ZMAT4: variants seen among roughly 807,000 people sequenced by gnomAD.
ZMAT4 encodes zinc finger matrin-type 4, also known as zinc finger matrin-type protein 4.
In ZMAT4, 17 loss-of-function variants were observed where a neutral mutation model predicts 28.7. That is an observed-to-expected ratio of 0.59 (90% CI 0.41 to 0.89). The LOEUF is 0.89. Ranked by LOEUF, ZMAT4 falls within the 40% of genes least tolerant of loss-of-function variation. The probability of loss-of-function intolerance (pLI) is 0.00; values close to 1 mark genes in which losing one functional copy is unlikely to be tolerated. For synonymous variants in ZMAT4, 117 were observed against 109.2 expected (o/e 1.07, Z -0.44); for missense variants, 240 against 283.8 (o/e 0.85, Z 1.11).
intron 1 of ZMAT4, among the ~76,000 whole-genome samples, chr8:40,881,158 G>A (rs907724530): frequency 2.0e-5 from 3 of 152,080 alleles, no homozygotes; most frequent in South Asian, 2.1e-4. Context: ...TGGGAGGATC[G>A]TTTGAGGCCA....
chr8:40,718,113 T>G (rs1810931673), intron 3 of ZMAT4, among the ~76,000 whole-genome samples: 1 of 152,264 alleles, frequency 6.6e-6, no homozygotes, highest in Non-Finnish European at 1.5e-5. Context: ...TCTCTTTTAC[T>G]TCTTCCTGCC....
At chr8:40,605,326 A>ACTTTCCT (rs2118634808) in intron 5 of ZMAT4, among the ~76,000 whole-genome samples, 1 of 152,112 alleles carries the variant, frequency 6.6e-6, no homozygotes, top group Non-Finnish European at 1.5e-5. Flanking sequence ...AATGCTAGAA[A>ACTTTCCT]CTTTCCTCTT....
chr8:40,878,035 G>C (rs1403498527), intron 1 of ZMAT4, among the ~76,000 whole-genome samples: 1 of 152,196 alleles, frequency 6.6e-6, no homozygotes, highest in Admixed American at 6.5e-5. Context: ...GGCACCCAGA[G>C]TAATGAAAGA....
chr8:40,840,833 T>C (rs540539733), intron 1 of ZMAT4, among the ~76,000 whole-genome samples: 2 of 152,340 alleles, frequency 1.3e-5, no homozygotes, highest in African/African-American at 2.4e-5. Flanking sequence ...ACAGTTACTA[T>C]AGTACCATCT....
At chr8:40,653,040 A>T (rs1158019047) in intron 5 of ZMAT4, among the ~76,000 whole-genome samples, 1 of 152,006 alleles carries the variant, frequency 6.6e-6, no homozygotes. Flanking sequence ...ATATGTAACT[A>T]ACCTGCACAA....
At chr8:40,836,541 A>G (rs1054270057) in intron 1 of ZMAT4, among the ~76,000 whole-genome samples, 2 of 152,242 alleles carry the variant, frequency 1.3e-5, no homozygotes, top group African/African-American at 4.8e-5. Flanking sequence ...AAACTGAGGT[A>G]CAGTCACAGC....
intron 3 of ZMAT4, among the ~76,000 whole-genome samples, chr8:40,754,949 TG>T (rs1812614913): frequency 1.3e-5 from 2 of 152,098 alleles, no homozygotes; most frequent in East Asian, 3.8e-4. Flanking sequence ...CTTGAGATCA[TG>T]AGCTATGATT....
intron 4 of ZMAT4, among the ~76,000 whole-genome samples, chr8:40,683,345 T>C (rs983051562): frequency 2.6e-5 from 4 of 152,190 alleles, no homozygotes; most frequent in African/African-American, 9.6e-5. Flanking sequence ...TCAGTCAAGG[T>C]GCTACACTCC....
chr8:40,683,632 A>G (rs975156708), intron 4 of ZMAT4, among the ~76,000 whole-genome samples: 1 of 152,194 alleles, frequency 6.6e-6, no homozygotes, highest in African/African-American at 2.4e-5. Context: ...CAAATCATTC[A>G]CTGAGAAACA....
At chr8:40,700,476 G>T (rs1810093485) in intron 3 of ZMAT4, among the ~76,000 whole-genome samples, 1 of 141,890 alleles carries the variant, frequency 7.0e-6, no homozygotes, top group Non-Finnish European at 1.5e-5. Context: ...GGAGTGCAGT[G>T]GTGCTATCGT....
chr8:40,833,216 G>A (rs539159016), intron 1 of ZMAT4, among the ~76,000 whole-genome samples: 13 of 143,758 alleles, frequency 9.0e-5, no homozygotes, highest in African/African-American at 2.9e-4. Context: ...GCTGGTTGCC[G>A]TGGCAGCAAA....
At chr8:40,816,921 C>T (rs1057397559) in intron 2 of ZMAT4, among the ~76,000 whole-genome samples, 1 of 152,174 alleles carries the variant, frequency 6.6e-6, no homozygotes, top group African/African-American at 2.4e-5. Flanking sequence ...GACATCCAAC[C>T]ATGAGAGACG....
chr8:40,574,857 C>T (rs1451090992), intron 6 of ZMAT4, among the ~76,000 whole-genome samples: 1 of 152,126 alleles, frequency 6.6e-6, no homozygotes, highest in South Asian at 2.1e-4. Flanking sequence ...AGTCCTGAGC[C>T]CAGTTTGAGG....
intron 2 of ZMAT4, among the ~76,000 whole-genome samples, chr8:40,805,410 A>G (rs1815036045): frequency 1.3e-5 from 2 of 149,796 alleles, no homozygotes; most frequent in African/African-American, 4.9e-5. Context: ...AACTAGAAAT[A>G]CCATTTGACC....
intron 5 of ZMAT4, among the ~76,000 whole-genome samples, chr8:40,634,610 A>C (rs920868219): frequency 6.6e-6 from 1 of 152,200 alleles, no homozygotes; most frequent in African/African-American, 2.4e-5. Flanking sequence ...AGGCTCCAGA[A>C]GTTTTAAGTC....
intron 2 of ZMAT4, among the ~76,000 whole-genome samples, chr8:40,785,582 T>C (rs768285838): frequency 2.6e-5 from 4 of 152,188 alleles, no homozygotes; most frequent in Non-Finnish European, 4.4e-5. Context: ...ATGGTCAGGA[T>C]TCTATAATTT....
intron 5 of ZMAT4, among the ~76,000 whole-genome samples, chr8:40,661,075 A>G (rs146282358): frequency 3.8e-3 from 574 of 152,306 alleles, no homozygotes; most frequent in African/African-American, 0.013. Flanking sequence ...AGATACATCA[A>G]TAAGTATGTT....
chr8:40,580,204 G>A (rs915523705), intron 6 of ZMAT4, among the ~76,000 whole-genome samples: 1 of 151,772 alleles, frequency 6.6e-6, no homozygotes, highest in Non-Finnish European at 1.5e-5. Flanking sequence ...AGTAGAGACG[G>A]GGTTTCACCG....
At chr8:40,696,740 T>A (rs958167907) in intron 4 of ZMAT4, among the ~76,000 whole-genome samples, 11 of 151,962 alleles carry the variant, frequency 7.2e-5, no homozygotes, top group South Asian at 2.1e-4. Context: ...GAAAAAAAAA[T>A]AAATAAATCA....
Sources: allele counts gnomAD v4.1 joint callset (sites outside exome capture counted in the v4.1 genomes callset), GRCh38; gene constraint gnomAD v4.1.1; transcripts MANE v1.5; gene names NCBI Gene and HGNC (gene_info 2026-07-23, HGNC 2026-07-21).